Variants in APP observed in about 807,000 individuals in gnomAD.
The protein encoded by APP is amyloid beta precursor protein.
A neutral mutation model predicts 101.4 loss-of-function variants in APP; 31 were observed. The ratio of observed to expected loss-of-function variants is 0.31; its 90% confidence interval spans 0.23 to 0.41. The LOEUF is 0.41. Ranked by LOEUF, APP falls within the 10% of genes least tolerant of loss-of-function variation. The pLI, the probability that APP is intolerant of heterozygous loss-of-function variation, is 1.00. For synonymous variants in APP, 366 were observed against 364.4 expected (o/e 1.00, Z -0.05); for missense variants, 839 against 1,003.7 (o/e 0.84, Z 2.22).
intron 2 of APP, among the ~76,000 whole-genome samples, chr21:26,096,039 A>C (rs750428524): frequency 2.0e-5 from 3 of 152,178 alleles, no homozygotes; most frequent in Non-Finnish European, 1.5e-5. Context: ...AAATTTTCCT[A>C]AATTATAGCC....
chr21:26,016,436 G>C (rs1232220139), intron 6 of APP, among the ~76,000 whole-genome samples: 1 of 152,180 alleles, frequency 6.6e-6, no homozygotes, highest in Admixed American at 6.5e-5. Context: ...AGGGAACACA[G>C]GTTGAAATGA....
intron 2 of APP, among the ~76,000 whole-genome samples, chr21:26,098,081 GAAAA>G: frequency 1.8e-5 from 1 of 54,386 alleles, no homozygotes; most frequent in Non-Finnish European, 3.7e-5. Context: ...CTCTGTCTCA[GAAAA>G]AAAAAAAAAA....
intron 5 of APP, among the ~76,000 whole-genome samples, chr21:26,043,775 T>A (rs1261809949): frequency 0.056 from 5 of 90 alleles, no homozygotes; most frequent in African/African-American, 0.18. Context: ...TAGAATACCA[T>A]CAGGTCTTGG....
chr21:26,053,423 A>G (rs969861328), intron 3 of APP, 75 bp from the exon 4 acceptor site: 10 of 1,103,976 alleles, frequency 9.1e-6, no homozygotes, highest in African/African-American at 1.5e-5. Flanking sequence ...CATCAAGGAA[A>G]GATAGACTTC....
At chr21:25,964,402 A>T (rs757884275) in intron 11 of APP, among the ~76,000 whole-genome samples, 2 of 152,180 alleles carry the variant, frequency 1.3e-5, no homozygotes, top group Non-Finnish European at 2.9e-5. Context: ...CAAAAGCTAA[A>T]ACAACAGAAA....
At chr21:25,968,909 A>C (rs564090383) in intron 11 of APP, among the ~76,000 whole-genome samples, 3 of 152,150 alleles carry the variant, frequency 2.0e-5, no homozygotes, top group Admixed American at 6.5e-5. Flanking sequence ...TACTGAATAC[A>C]GTTGTCTGCA....
At chr21:25,944,439 G>T (rs190059494) in intron 13 of APP, among the ~76,000 whole-genome samples, 1 of 152,218 alleles carries the variant, frequency 6.6e-6, no homozygotes, top group Non-Finnish European at 1.5e-5. Flanking sequence ...TTCTAAAGCA[G>T]CCCATAGTGC....
intron 9 of APP, among the ~76,000 whole-genome samples, chr21:25,976,415 A>T (rs1206957602): frequency 6.6e-6 from 1 of 152,224 alleles, no homozygotes; most frequent in African/African-American, 2.4e-5. Context: ...TTATGAAAGC[A>T]ACTGAAACCA....
Position 26,053,217 on chromosome 21 carries a change from A to G in APP, c.468+19T>C, listed in dbSNP as rs1365300694. The G allele has an allele frequency of 1.3e-6, 2 of 1,578,864 alleles. 1 individual carries two copies. The highest frequency in any genetic ancestry group is 3.3e-5 in the Admixed American group (2 of 59,980). ...GGAAATCTTCACTTTGCAATAAGAA[A>G]GAATTTATGGGCTGGTACCTCTTTG... On this transcript the variant is annotated intron_variant, in intron 4 of 17. Coordinates refer to ENST00000346798, the MANE Select transcript of APP (RefSeq NM_000484.4).
At chr21:26,099,112 C>T (rs2062006587) in intron 2 of APP, among the ~76,000 whole-genome samples, 2 of 150,852 alleles carry the variant, frequency 1.3e-5, no homozygotes, top group Admixed American at 6.6e-5. Context: ...TAAATAAATA[C>T]ATTTAGTCCA....
intron 15 of APP, among the ~76,000 whole-genome samples, chr21:25,902,558 G>GT (rs1176279398): frequency 1.4e-5 from 2 of 146,656 alleles, no homozygotes; most frequent in East Asian, 5.9e-4. Context: ...CCTACGCTGT[G>GT]TATGAAAGGA....
intron 2 of APP, among the ~76,000 whole-genome samples, chr21:26,101,095 C>CTTTTTTTTTTTTT (rs35407047): frequency 2.5e-5 from 2 of 79,318 alleles, no homozygotes; most frequent in East Asian, 4.4e-4. Flanking sequence ...TTTTTTTTTC[C>CTTTTTTTTTTTTT]TTTTTTTTTT....
rs144272275 is a variant in APP, at chr21:26,014,267, A to G, written c.865+7573T>C. 3.1e-3 allele frequency among the ~76,000 whole-genome samples: 471 copies of G among 152,306 alleles called. 3 individuals are homozygous for G. The highest frequency in any genetic ancestry group is 0.011 in the African/African-American group (447 of 41,570). Reference sequence around the variant, plus strand: ...CTTTGTGGAGAGTTAAATATTAATCATAAGTAAAAATCCCGTTAGTGAATT... The same window carrying G: ...CTTTGTGGAGAGTTAAATATTAATCGTAAGTAAAAATCCCGTTAGTGAATT... On this transcript the variant is annotated intron_variant, in intron 6 of 17. Transcript: ENST00000346798.
At position 25,990,443 on chromosome 21, in the gene APP, T is replaced by C. The variant is rs550297973; in HGVS notation, c.1090+6917A>G. ...AATCTAAAAAATATATGTGAAGCAA[T>C]AGCAATAACTGGCGTCCAGAATGGG... On this transcript the variant is annotated intron_variant, in intron 8 of 17. Transcript: ENST00000346798. Among the ~76,000 whole-genome samples the C allele has an allele frequency of 2.1e-3, 248 of 120,460 alleles. 1 individual carries two copies. Among genetic ancestry groups the C allele is most frequent in the African/African-American group, 0.011 (232 of 20,920 alleles). The allele number at this position is 120,460 out of a possible 152,430, so 79.0% of individuals were successfully genotyped here. A position where few individuals can be genotyped will look rare whatever the true frequency, so the allele number is the denominator to read the frequency against.
intron 1 of APP, among the ~76,000 whole-genome samples, chr21:26,169,016 A>T (rs1340231875): frequency 6.6e-6 from 1 of 152,146 alleles, no homozygotes; most frequent in East Asian, 1.9e-4. Context: ...AAAAGAGGGG[A>T]AAAACGGGTA....
At chr21:25,947,877 C>T (rs216774) in intron 13 of APP, among the ~76,000 whole-genome samples, 52,902 of 151,550 alleles carry the variant, frequency 0.35, 11,314 homozygotes, top group African/African-American at 0.6. Context: ...TGGTGGCACA[C>T]GTCTGTAGTC....
In APP at chr21:26,135,249, T is replaced by G. The variant is rs112336725; in HGVS notation, c.58-23103A>C. Reference sequence around the variant, plus strand: ...GGTAAAGCTGGCTAACATGATTATCTATGTAACAGCACCAGACCTTCTCAC... The same window carrying G: ...GGTAAAGCTGGCTAACATGATTATCGATGTAACAGCACCAGACCTTCTCAC... On this transcript the variant is annotated intron_variant, in intron 1 of 17. Coordinates refer to ENST00000346798, the MANE Select transcript of APP (RefSeq NM_000484.4). Among the ~76,000 whole-genome samples the G allele has an allele frequency of 3.7e-4, 56 of 152,362 alleles. 1 individual carries two copies. Among genetic ancestry groups the G allele is most frequent in the Middle Eastern group, 3.4e-3 (1 of 294 alleles).
chr21:26,007,699 T>C (rs1292600283), intron 6 of APP, among the ~76,000 whole-genome samples: 1 of 152,004 alleles, frequency 6.6e-6, no homozygotes, highest in Admixed American at 6.6e-5. Flanking sequence ...CATTTGATTC[T>C]ACTGATGAAA....
At chr21:26,031,379 T>A (rs12626674) in intron 5 of APP, among the ~76,000 whole-genome samples, 83,666 of 152,058 alleles carry the variant, frequency 0.55, 25,702 homozygotes, top group Middle Eastern at 0.72. Flanking sequence ...TCCCCCTCTT[T>A]TTTGGGAAAA....
Sources: gnomAD v4.1 joint callset for allele counts (sites outside exome capture counted in the v4.1 genomes callset) on GRCh38, gnomAD v4.1.1 for gene constraint, MANE v1.5 for transcripts, NCBI Gene and HGNC (gene_info 2026-07-23, HGNC 2026-07-21) for gene names.